Variants in USP15 observed in about 807,000 individuals in gnomAD.
USP15 encodes ubiquitin specific peptidase 15, also known as ubiquitin carboxyl-terminal hydrolase 15.
Under a neutral mutation model 127.1 loss-of-function variants are expected in USP15, and 18 were observed. The ratio of observed to expected loss-of-function variants is 0.14; its 90% CI spans 0.10 to 0.21. The LOEUF is 0.21. USP15 is among the 10% of genes least tolerant of loss of function. The pLI, the probability that USP15 is intolerant of heterozygous loss-of-function variation, is 1.00. For missense variants in USP15, 805 were observed against 1,159.9 expected, an observed-to-expected ratio of 0.69 and a Z score of 4.44; for synonymous variants, 364 against 393.7, an observed-to-expected ratio of 0.92 and a Z score of 0.89.
Position 62,414,534 on chromosome 12 carries a change from A to T in USP15, c.*10159A>T, listed in dbSNP as rs1271448092. On this transcript the variant is annotated 3_prime_UTR_variant, in exon 22 of 22. Transcript: ENST00000280377. ...CTAATTTTTGTAGAGACCAGGTTTC[A>T]CCATGTTACCCAGGCTGGTTTTGAA... The T allele has an allele frequency of 6.6e-6, 1 of 152,150 alleles. No individual in the cohort carries two copies. Among genetic ancestry groups the T allele is most frequent in the Admixed American group, 6.6e-5 (1 of 15,260 alleles). The allele number at this position is 152,150 out of a possible 1,614,324, so 9.4% of individuals were successfully genotyped here. A position where few individuals can be genotyped will look rare whatever the true frequency, so the allele number is the denominator to read the frequency against.
chr12:62,350,681 G>A (rs932466878), intron 7 of USP15, among the ~76,000 whole-genome samples: 8 of 152,250 alleles, frequency 5.3e-5, no homozygotes, highest in African/African-American at 1.9e-4. Context: ...TTGAAGTACA[G>A]TGTCACAATC....
intron 3 of USP15, chr12:62,304,651 C>T (rs1019478230): frequency 9.0e-6 from 4 of 443,964 alleles, no homozygotes; most frequent in South Asian, 6.3e-5. Flanking sequence ...CCTCAAAGAT[C>T]TCTAAAATGC....
chr12:62,314,251 T>C (rs1341690319), intron 3 of USP15, among the ~76,000 whole-genome samples: 1 of 151,752 alleles, frequency 6.6e-6, no homozygotes, highest in Non-Finnish European at 1.5e-5. Flanking sequence ...TGATTTGGAG[T>C]TATCATTTTA....
At chr12:62,378,038 C>A (rs188866009) in intron 8 of USP15, among the ~76,000 whole-genome samples, 174 of 152,166 alleles carry the variant, frequency 1.1e-3, no homozygotes, top group Non-Finnish European at 1.5e-3. Flanking sequence ...GAAACCCCAA[C>A]TCTACAAAAA....
At chr12:62,364,196 T>C (rs189375586) in intron 8 of USP15, among the ~76,000 whole-genome samples, 6 of 152,246 alleles carry the variant, frequency 3.9e-5, no homozygotes, top group African/African-American at 1.2e-4. Flanking sequence ...GAGACTTCGT[T>C]TGCAATAGGA....
chr12:62,382,299 A>G (rs2067014601), intron 9 of USP15, among the ~76,000 whole-genome samples: 1 of 151,966 alleles, frequency 6.6e-6, no homozygotes, highest in Admixed American at 6.6e-5. Context: ...TGTTAAAAAA[A>G]TGCCTACTTA....
intron 8 of USP15, among the ~76,000 whole-genome samples, chr12:62,377,947 CT>C (rs2066881205): frequency 6.6e-6 from 1 of 152,058 alleles, no homozygotes; most frequent in Non-Finnish European, 1.5e-5. Flanking sequence ...TGGCTCATGA[CT>C]GTAATCCCAG....
chr12:62,289,715 G>GTGTGTGTA (rs1334646517), intron 1 of USP15, among the ~76,000 whole-genome samples: 2 of 151,262 alleles, frequency 1.3e-5, no homozygotes, highest in Non-Finnish European at 3.0e-5. Flanking sequence ...GTGTGTGTGT[G>GTGTGTGTA]TGTGTGTGTG....
At chr12:62,306,558 A>G (rs1211692663) in intron 3 of USP15, among the ~76,000 whole-genome samples, 1 of 152,172 alleles carries the variant, frequency 6.6e-6, no homozygotes, top group Non-Finnish European at 1.5e-5. Context: ...CTGAAAGGTT[A>G]AAGATAGTAT....
intron 8 of USP15, among the ~76,000 whole-genome samples, chr12:62,365,265 G>GT (rs534403580): frequency 6.6e-6 from 1 of 152,052 alleles, no homozygotes; most frequent in South Asian, 2.1e-4. Context: ...ATATGAGATG[G>GT]TATCTCATTG....
chr12:62,388,710 A>G (rs1490069284), intron 11 of USP15, among the ~76,000 whole-genome samples: 1 of 152,234 alleles, frequency 6.6e-6, no homozygotes, highest in Non-Finnish European at 1.5e-5. Context: ...GACAGTAGGG[A>G]GCTGGTAAAC....
chr12:62,261,442 T>C (rs2063053868), intron 1 of USP15, among the ~76,000 whole-genome samples: 1 of 152,182 alleles, frequency 6.6e-6, no homozygotes, highest in Admixed American at 6.5e-5. Flanking sequence ...TAAAACATAT[T>C]TTCACTTTCC....
rs115034395 is a variant in USP15 at position 62,400,193 on chromosome 12, C to A, written c.2675-994C>A. Among the ~76,000 whole-genome samples the A allele has an allele frequency of 4.3e-3, 652 of 152,182 alleles. 3 individuals carry two copies. Among genetic ancestry groups the A allele is most frequent in the African/African-American group, 0.015 (629 of 41,520 alleles). On this transcript the variant is annotated intron_variant, in intron 20 of 21. Transcript: ENST00000280377. ...ACAAGGCATGGGATGGGGAAAGGGG[C>A]ATTTTTTTAACTTAAAGATAAAGCA...
At position 62,415,478 on chromosome 12, in the gene USP15, A is replaced by G. The variant is rs941684101; in HGVS notation, c.*11103A>G. Reference sequence around the variant, plus strand: ...GCCCAGTCAACACATTAAATAAACCATCACATCCCTTCATGTAGAAAAGAG... The same window carrying G: ...GCCCAGTCAACACATTAAATAAACCGTCACATCCCTTCATGTAGAAAAGAG... On this transcript the variant is annotated 3_prime_UTR_variant, in exon 22 of 22. Transcript: ENST00000280377. The G allele has an allele frequency of 6.6e-6, 1 of 152,188 alleles. No individual in the cohort carries two copies. The allele number at this position is 152,188 out of a possible 1,614,324, so 9.4% of individuals were successfully genotyped here. A position where few individuals can be genotyped will look rare whatever the true frequency, so the allele number is the denominator to read the frequency against.
At chr12:62,286,620 A>G (rs180735114) in intron 1 of USP15, among the ~76,000 whole-genome samples, 260 of 152,288 alleles carry the variant, frequency 1.7e-3, no homozygotes, top group African/African-American at 6.1e-3. Context: ...CCAGGTGCCC[A>G]TCATTGATGG....
At chr12:62,268,664 TCTCTAAAACCAC>T (rs1373832181) in intron 1 of USP15, among the ~76,000 whole-genome samples, 1 of 152,160 alleles carries the variant, frequency 6.6e-6, no homozygotes, top group African/African-American at 2.4e-5. Flanking sequence ...TCAAAGTCAG[TCTCTAAAACCAC>T]CTCTAATCTC....
rs150375843 is a variant in USP15, at chr12:62,395,046, G to A, written c.2571-1249G>A. Among the ~76,000 whole-genome samples the A allele has an allele frequency of 7.2e-5, 11 of 152,166 alleles. 1 individual carries two copies. Among genetic ancestry groups the A allele is most frequent in the African/African-American group, 2.2e-4 (9 of 41,530 alleles). ...TTTGATTAGTCAGTTACATTCAAAG[G>A]ATGTTGCCCATTTCGGGTATATAGG... On this transcript the variant is annotated intron_variant, in intron 19 of 21. Transcript: ENST00000280377.
intron 6 of USP15, among the ~76,000 whole-genome samples, chr12:62,343,025 TC>T (rs1474698323): frequency 6.6e-6 from 1 of 152,040 alleles, no homozygotes. Flanking sequence ...CAGCCGTCCC[TC>T]CCCCCAGTGT....
At chr12:62,312,787 T>C (rs2064721441) in intron 3 of USP15, among the ~76,000 whole-genome samples, 1 of 151,698 alleles carries the variant, frequency 6.6e-6, no homozygotes, top group African/African-American at 2.4e-5. Flanking sequence ...CCTGTTAGTC[T>C]TCATGACCAT....
Sources: gnomAD v4.1 joint callset for allele counts (sites outside exome capture counted in the v4.1 genomes callset) on GRCh38, gnomAD v4.1.1 for gene constraint, MANE v1.5 for transcripts, NCBI Gene and HGNC (gene_info 2026-07-23, HGNC 2026-07-21) for gene names.